Variants in SLC24A3 observed in about 807,000 individuals in gnomAD.
SLC24A3 encodes the protein sodium/potassium/calcium exchanger 3.
In SLC24A3, 28 loss-of-function variants were observed where a neutral mutation model predicts 75.8. The ratio of observed to expected loss-of-function variants is 0.37; its 90% CI spans 0.27 to 0.51. The LOEUF (loss-of-function observed/expected upper bound fraction) is 0.51, where lower values mean the gene tolerates loss of function less well. Among genes scored for constraint, SLC24A3 ranks in the 20% least tolerant of loss-of-function variants. SLC24A3 has a pLI of 0.94. For synonymous variants in SLC24A3, 372 were observed against 334.1 expected (o/e 1.11, Z -1.24); for missense variants, 663 against 847.8 (o/e 0.78, Z 2.71).
rs79950951 is a variant in SLC24A3, at chr20:19,721,909, A to C, written c.*769A>C. The C allele has an allele frequency of 6.5e-6, 1 of 152,828 alleles. No homozygotes were observed. Among genetic ancestry groups the C allele is most frequent in the East Asian group, 1.9e-4 (1 of 5,178 alleles). The allele number at this position is 152,828 out of a possible 1,614,324, so 9.5% of individuals were successfully genotyped here. ...GCGTCCCCTGGGGTTGGGGGGGCAC[A>C]AGGTTTTGGAGGAAGAAGACAACTT... On this transcript the variant is annotated 3_prime_UTR_variant, in exon 17 of 17. Coordinates refer to ENST00000328041, the MANE Select transcript of SLC24A3 (RefSeq NM_020689.4).
intron 2 of SLC24A3, among the ~76,000 whole-genome samples, chr20:19,485,851 T>C (rs571319919): frequency 6.6e-6 from 1 of 152,310 alleles, no homozygotes; most frequent in Admixed American, 6.5e-5. Flanking sequence ...GATCCCCCTC[T>C]AGACAACGGG....
At position 19,452,903 on chromosome 20, in the gene SLC24A3, A is replaced by G. The variant is rs1432939865; in HGVS notation, c.272-62585A>G. 2.0e-5 allele frequency among the ~76,000 whole-genome samples: 3 copies of G among 152,080 alleles called. No homozygotes were observed. The East Asian group carries it at 5.8e-4, about 29-fold the overall frequency. On this transcript the variant is annotated intron_variant, in intron 2 of 16. Transcript: ENST00000328041. ...AAAAATAAAAATATTAGCCACCTGT[A>G]CCAGGCGCGGTGGCTCACGCCTATA...
chr20:19,429,700 C>T (rs1987068735), intron 2 of SLC24A3, among the ~76,000 whole-genome samples: 1 of 152,054 alleles, frequency 6.6e-6, no homozygotes, highest in African/African-American at 2.4e-5. Flanking sequence ...TGTTCTGGGC[C>T]GGCCGACTCT....
intron 1 of SLC24A3, among the ~76,000 whole-genome samples, chr20:19,222,257 G>A (rs906857178): frequency 6.6e-6 from 1 of 152,012 alleles, no homozygotes; most frequent in Non-Finnish European, 1.5e-5. Flanking sequence ...TCCCCATATG[G>A]ACTCTTTTTT....
intron 3 of SLC24A3, among the ~76,000 whole-genome samples, chr20:19,547,601 T>C (rs1360479363): frequency 6.6e-6 from 1 of 152,200 alleles, no homozygotes; most frequent in African/African-American, 2.4e-5. Flanking sequence ...GTGACTGCGT[T>C]CACTCGGCTG....
At position 19,220,335 on chromosome 20, in the gene SLC24A3, A is replaced by G. The variant is rs139843892; in HGVS notation, c.142+7351A>G. Among the ~76,000 whole-genome samples the G allele has an allele frequency of 4.5e-4, 69 of 152,348 alleles. No individual in the cohort carries two copies. In the East Asian group the frequency reaches 8.9e-3, roughly 20 times the overall value. On this transcript the variant is annotated intron_variant, in intron 1 of 16. Coordinates refer to ENST00000328041, the MANE Select transcript of SLC24A3 (RefSeq NM_020689.4). The stretch of plus-strand genomic sequence containing the variant: ...TTTACATTTGGAATATTTGCAACAA[A>G]TATTTCTCTTCCTTTCTCCTTTGCA...
chr20:19,632,597 G>T (rs986984841), intron 6 of SLC24A3, among the ~76,000 whole-genome samples: 1 of 152,300 alleles, frequency 6.6e-6, no homozygotes, highest in South Asian at 2.1e-4. Context: ...CTTCTGCAAA[G>T]TCTCACTTAC....
intron 6 of SLC24A3, among the ~76,000 whole-genome samples, chr20:19,636,501 A>G (rs976890569): frequency 2.6e-5 from 4 of 152,216 alleles, no homozygotes; most frequent in African/African-American, 4.8e-5. Flanking sequence ...AACTTTCACA[A>G]GGTTCAATAT....
chr20:19,698,825 G>C, intron 15 of SLC24A3, 145 bp downstream of exon 15: 1 of 677,348 alleles, frequency 1.5e-6, no homozygotes, highest in Non-Finnish European at 2.5e-6. Context: ...CCTTGTCAAA[G>C]GCCTTACTAG....
chr20:19,423,697 T>A (rs1239806000), intron 2 of SLC24A3, among the ~76,000 whole-genome samples: 1 of 152,198 alleles, frequency 6.6e-6, no homozygotes, highest in East Asian at 1.9e-4. Flanking sequence ...TAGAGAGGGC[T>A]GCATGTTTAG....
intron 1 of SLC24A3, among the ~76,000 whole-genome samples, chr20:19,226,782 T>C (rs539880480): frequency 6.6e-6 from 1 of 152,344 alleles, no homozygotes; most frequent in African/African-American, 2.4e-5. Flanking sequence ...ACAAAGTTTC[T>C]ATGTGGTCAA....
intron 3 of SLC24A3, among the ~76,000 whole-genome samples, chr20:19,565,719 G>T (rs1006279521): frequency 4.6e-5 from 7 of 152,018 alleles, no homozygotes; most frequent in Admixed American, 2.0e-4. Flanking sequence ...ACACTAAATG[G>T]CACCTTTAAA....
intron 1 of SLC24A3, among the ~76,000 whole-genome samples, chr20:19,277,505 A>G (rs1191585214): frequency 6.6e-6 from 1 of 152,226 alleles, no homozygotes; most frequent in Non-Finnish European, 1.5e-5. Flanking sequence ...GTGAGGACAA[A>G]TGAACTGTGC....
In SLC24A3 at chr20:19,337,822, C is replaced by T. The variant is rs59306010; in HGVS notation, c.271+56735C>T. On this transcript the variant is annotated intron_variant, in intron 2 of 16. Coordinates refer to ENST00000328041, the MANE Select transcript of SLC24A3 (RefSeq NM_020689.4). ...TCTGGTGGTCAGCTTGGGGCTGGCTCGATTAGGATGGCCTCTCATGTCTTG... is the reference window on the plus strand; with the variant it reads ...TCTGGTGGTCAGCTTGGGGCTGGCTTGATTAGGATGGCCTCTCATGTCTTG... Among the ~76,000 whole-genome samples, 390 of 152,174 alleles carry T rather than the reference C, an allele frequency of 2.6e-3. 6 individuals carry two copies. In the East Asian group the frequency reaches 0.036, roughly 14 times the overall value.
intron 3 of SLC24A3, among the ~76,000 whole-genome samples, chr20:19,557,899 A>G (rs1344136540): frequency 6.6e-6 from 1 of 152,224 alleles, no homozygotes. Flanking sequence ...GAAATTTTCC[A>G]TAGTTGTTAG....
At chr20:19,641,948 G>C (rs950085598) in intron 6 of SLC24A3, among the ~76,000 whole-genome samples, 1 of 152,184 alleles carries the variant, frequency 6.6e-6, no homozygotes, top group Non-Finnish European at 1.5e-5. Flanking sequence ...CTCAACAAGG[G>C]ACTAACCATG....
chr20:19,651,371 T>TTTTA (rs386393480), intron 6 of SLC24A3, among the ~76,000 whole-genome samples: 1,897 of 105,886 alleles, frequency 0.018, 16 homozygotes, highest in Non-Finnish European at 0.03. Flanking sequence ...CTGGTTTTTA[T>TTTTA]TATATATATA....
At chr20:19,368,373 C>G (rs1985934716) in intron 2 of SLC24A3, among the ~76,000 whole-genome samples, 1 of 152,214 alleles carries the variant, frequency 6.6e-6, no homozygotes, top group Non-Finnish European at 1.5e-5. Flanking sequence ...CCCTCGTGCC[C>G]CTACTGGCCT....
At chr20:19,396,651 T>G (rs931226613) in intron 2 of SLC24A3, among the ~76,000 whole-genome samples, 5 of 152,228 alleles carry the variant, frequency 3.3e-5, no homozygotes, top group Non-Finnish European at 1.5e-5. Flanking sequence ...TGAAACATGA[T>G]CAGTATCAGC....
Sources: gnomAD v4.1 joint callset for allele counts (sites outside exome capture counted in the v4.1 genomes callset) on GRCh38, gnomAD v4.1.1 for gene constraint, MANE v1.5 for transcripts, NCBI Gene and HGNC (gene_info 2026-07-23, HGNC 2026-07-21) for gene names.